The following PIK3R3 variants were observed in gnomAD, a reference collection of about 807,000 sequenced individuals.
The protein encoded by PIK3R3 is phosphoinositide-3-kinase regulatory subunit 3, also known as phosphatidylinositol 3-kinase regulatory subunit gamma.
A neutral mutation model predicts 62.9 loss-of-function variants in PIK3R3; 64 were observed. The observed-to-expected ratio is 1.02, with a 90% CI of 0.83 to 1.25. PIK3R3 has a LOEUF of 1.25. PIK3R3 is among the 50% of genes most tolerant of loss of function. PIK3R3 has a pLI of 0.00. For synonymous variants in PIK3R3, 165 were observed against 189.0 expected, an observed-to-expected ratio of 0.87 and a Z score of 1.04; for missense variants, 614 against 561.6, an observed-to-expected ratio of 1.09 and a Z score of -0.94.
intron 1 of PIK3R3, among the ~76,000 whole-genome samples, chr1:46,090,603 G>C (rs1021992881): frequency 2.0e-5 from 3 of 151,992 alleles, no homozygotes; most frequent in African/African-American, 7.3e-5. Flanking sequence ...AAAGTATTGG[G>C]ATTACAGGCG....
chr1:46,064,692 A>C (rs962526392), intron 5 of PIK3R3, among the ~76,000 whole-genome samples: 3 of 152,216 alleles, frequency 2.0e-5, no homozygotes, highest in African/African-American at 7.2e-5. Flanking sequence ...CACAAGGGGC[A>C]AAAGAAGAAA....
At chr1:46,071,696 C>CAAAAA (rs1331276065) in intron 3 of PIK3R3, among the ~76,000 whole-genome samples, 3 of 17,252 alleles carry the variant, frequency 1.7e-4, no homozygotes, top group Non-Finnish European at 2.2e-4. Flanking sequence ...ACTCTGTCTC[C>CAAAAA]AAAAAAAAAA....
At chr1:46,171,777 G>T in the PIK3R3 span, among the ~76,000 whole-genome samples, 2 of 152,122 alleles carry the variant, frequency 1.3e-5, no homozygotes, top group Non-Finnish European at 2.9e-5. Context: ...GAGGGGCCAG[G>T]ACACTCCAAG....
chr1:46,169,678 G>A, the PIK3R3 span, among the ~76,000 whole-genome samples: 1 of 152,208 alleles, frequency 6.6e-6, no homozygotes, highest in South Asian at 2.1e-4. Context: ...TGTGAGTAGA[G>A]GTCAGGGCTG....
At chr1:46,085,301 TC>T (rs1216587650) in intron 1 of PIK3R3, among the ~76,000 whole-genome samples, 2 of 152,178 alleles carry the variant, frequency 1.3e-5, no homozygotes, top group Admixed American at 6.5e-5. Context: ...ATTGAACACC[TC>T]CCATGTTCCA....
the PIK3R3 span, among the ~76,000 whole-genome samples, chr1:46,158,692 G>C: frequency 6.6e-6 from 1 of 152,170 alleles, no homozygotes; most frequent in Admixed American, 6.5e-5. Context: ...AAGCTAAAAA[G>C]ATCATGAGTC....
At chr1:46,078,053 T>C (rs967083465) in intron 2 of PIK3R3, among the ~76,000 whole-genome samples, 1 of 152,200 alleles carries the variant, frequency 6.6e-6, no homozygotes, top group African/African-American at 2.4e-5. Flanking sequence ...GATAGTCTCC[T>C]AGTTTGAATT....
the PIK3R3 span, among the ~76,000 whole-genome samples, chr1:46,165,421 T>G: frequency 6.6e-6 from 1 of 150,768 alleles, no homozygotes; most frequent in South Asian, 2.1e-4. Flanking sequence ...TTCTCCTGCC[T>G]CAGCCTCCTG....
At chr1:46,055,608 C>T (rs1647810768) in intron 7 of PIK3R3, among the ~76,000 whole-genome samples, 187 bp downstream of exon 7, 2 of 152,372 alleles carry the variant, frequency 1.3e-5, no homozygotes, top group South Asian at 4.1e-4. Context: ...GTTTGCTCCA[C>T]ATATTAACTT....
At position 46,113,645 on chromosome 1, in the gene PIK3R3, A is replaced by T. The variant is rs115155843; in HGVS notation, c.106+18202T>A. 7.4e-3 allele frequency among the ~76,000 whole-genome samples: 1,133 copies of T among 152,326 alleles called. 18 individuals are homozygous for T. The highest frequency in any genetic ancestry group is 0.026 in the African/African-American group (1,070 of 41,566). On this transcript the variant is annotated intron_variant, in intron 1 of 9. Coordinates refer to ENST00000262741, the MANE Select transcript of PIK3R3 (RefSeq NM_003629.4). ...AAACTTAAGGTGTTTTAATAACTTT[A>T]TGCATTTATTCAGGCTGTTACGTCT...
At chr1:46,087,125 G>A (rs933531945) in intron 1 of PIK3R3, among the ~76,000 whole-genome samples, 2 of 152,200 alleles carry the variant, frequency 1.3e-5, no homozygotes, top group African/African-American at 4.8e-5. Context: ...CGTGTGTGGG[G>A]GAATGGTGGA....
the PIK3R3 span, among the ~76,000 whole-genome samples, chr1:46,152,113 T>C: frequency 6.6e-6 from 1 of 152,202 alleles, no homozygotes; most frequent in Admixed American, 6.5e-5. Context: ...TTCAGAAGTA[T>C]CTTTTCTCTC....
rs1647037086 is a variant in PIK3R3, at chr1:46,043,711, A to G, written c.1348T>C (p.Tyr450His). Reference sequence around the variant, plus strand: ...GAGGGCATCTGTGCATGAACAGGGTAGGCAAGCCTGACGTTGAGGGAGTCG... The same window carrying G: ...GAGGGCATCTGTGCATGAACAGGGTGGGCAAGCCTGACGTTGAGGGAGTCG... The part of the protein sequence containing the change: ...HNDSLNVRLA[Y>H]PVHAQMPSLC... Residue 450 changes from tyrosine (Y) to histidine (H), a missense_variant, in exon 10 of 10, where the codon TAC becomes CAC. Transcript: ENST00000262741. 1 of 1,614,248 alleles carries G rather than the reference A, an allele frequency of 6.2e-7. No homozygotes were observed. The highest frequency in any genetic ancestry group is 8.5e-7 in the Non-Finnish European group (1 of 1,180,034).
chr1:46,166,748 C>T, the PIK3R3 span, among the ~76,000 whole-genome samples: 1 of 152,188 alleles, frequency 6.6e-6, no homozygotes, highest in African/African-American at 2.4e-5. Context: ...ATTCGCTAGT[C>T]GTGTCCAAAC....
chr1:46,098,261 A>G (rs1483187219), intron 1 of PIK3R3, among the ~76,000 whole-genome samples: 3 of 152,234 alleles, frequency 2.0e-5, no homozygotes, highest in African/African-American at 7.2e-5. Flanking sequence ...TACATAACGA[A>G]CAAGTCTTGG....
At position 46,044,111 on chromosome 1, in the gene PIK3R3, T is replaced by C. The variant is rs1035140822; in HGVS notation, c.1188-240A>G. ...TTTTTTTTTAGACAGGGTCTCGCTC[T>C]ATCACGAAAGCTAGGGTACAGTGGC... On this transcript the variant is annotated intron_variant, in intron 9 of 9. Transcript: ENST00000262741. This position sits in a 1 kb window ranked among gnomAD's most constrained non-coding sequence, Gnocchi z 4.2. Among the ~76,000 whole-genome samples the C allele has an allele frequency of 1.3e-5, 2 of 151,712 alleles. No homozygotes were observed. The highest frequency in any genetic ancestry group is 4.8e-5 in the African/African-American group (2 of 41,266).
chr1:46,154,079 T>C, the PIK3R3 span, among the ~76,000 whole-genome samples: 1 of 152,178 alleles, frequency 6.6e-6, no homozygotes, highest in Non-Finnish European at 1.5e-5. Flanking sequence ...TTTGTTTTCT[T>C]GTCATGTAAC....
At chr1:46,114,109 A>C (rs563740139) in intron 1 of PIK3R3, among the ~76,000 whole-genome samples, 1 of 152,314 alleles carries the variant, frequency 6.6e-6, no homozygotes, top group African/African-American at 2.4e-5. Flanking sequence ...TACACTGACT[A>C]AACTACAAAG....
At position 46,043,825 on chromosome 1, in the gene PIK3R3, C is replaced by T. The variant is rs1647042631; in HGVS notation, c.1234G>A (p.Gly412Ser). The change falls in exon 10 of 10, where the codon GGC (glycine) becomes AGC (serine). Residue 412 changes from glycine to serine, a missense_variant. Transcript: ENST00000262741. ...TTGTAGGGCTCTGCAAAGCCATAGC[C>T]CCGAGCAGTGCTGTAGATCACACAG... ...KHCVIYSTAR[G>S]YGFAEPYNLY... is the part of the protein sequence containing the mutation. 1.2e-6 allele frequency: 2 copies of T among 1,614,000 alleles called. No homozygotes were observed. The highest frequency in any genetic ancestry group is 1.3e-5 in the African/African-American group (1 of 74,920).
Sources: gnomAD v4.1 joint callset for allele counts (sites outside exome capture counted in the v4.1 genomes callset) on GRCh38, gnomAD v4.1.1 for gene constraint, Gnocchi (gnomAD v3.1) non-coding constraint, MANE v1.5 for transcripts, NCBI Gene and HGNC (gene_info 2026-07-23, HGNC 2026-07-21) for gene names.